PDE1C: variants seen among roughly 807,000 people sequenced by gnomAD.
PDE1C encodes phosphodiesterase 1C, also known as dual specificity calcium/calmodulin-dependent 3',5'-cyclic nucleotide phosphodiesterase 1C.
A neutral mutation model predicts 93.1 loss-of-function variants in PDE1C; 62 were observed. The ratio of observed to expected loss-of-function variants is 0.67; its 90% CI spans 0.54 to 0.82. The LOEUF is 0.82. Ranked by LOEUF, PDE1C falls within the 40% of genes least tolerant of loss-of-function variation. The probability of loss-of-function intolerance (pLI) is 0.00; values close to 1 mark genes in which losing one functional copy is unlikely to be tolerated. For missense variants in PDE1C, 742 were observed against 884.6 expected, an observed-to-expected ratio of 0.84 and a Z score of 2.04; for synonymous variants, 325 against 310.1, an observed-to-expected ratio of 1.05 and a Z score of -0.50.
chr7:32,311,523 A>G (rs1033310126), intron 1 of PDE1C, among the ~76,000 whole-genome samples: 7 of 152,164 alleles, frequency 4.6e-5, no homozygotes, highest in Non-Finnish European at 7.3e-5. Flanking sequence ...CTGGCAAACC[A>G]AATCCAGCAG....
At chr7:31,993,208 TTCC>T (rs1784343077) in intron 2 of PDE1C, among the ~76,000 whole-genome samples, 2 of 152,356 alleles carry the variant, frequency 1.3e-5, no homozygotes, top group African/African-American at 4.8e-5. Flanking sequence ...AGCTGTGACT[TTCC>T]TCCCTATTTG....
intron 1 of PDE1C, among the ~76,000 whole-genome samples, chr7:32,252,476 C>G (rs1246810922): frequency 1.3e-5 from 2 of 152,148 alleles, no homozygotes; most frequent in Non-Finnish European, 2.9e-5. Context: ...GAAAGGGATA[C>G]TTTTTTGAGA....
At chr7:32,034,952 A>T (rs923105668) in intron 2 of PDE1C, among the ~76,000 whole-genome samples, 1 of 152,196 alleles carries the variant, frequency 6.6e-6, no homozygotes, top group Non-Finnish European at 1.5e-5. Flanking sequence ...CATGATTATC[A>T]TGCATCTTCA....
intron 1 of PDE1C, among the ~76,000 whole-genome samples, chr7:32,282,676 G>A (rs1811746101): frequency 6.7e-6 from 1 of 149,990 alleles, no homozygotes; most frequent in Non-Finnish European, 1.5e-5. Context: ...CGCCTCCTGG[G>A]TTCACGCCAT....
At chr7:32,220,940 C>T (rs987078544) in intron 1 of PDE1C, among the ~76,000 whole-genome samples, 2 of 152,194 alleles carry the variant, frequency 1.3e-5, no homozygotes, top group Non-Finnish European at 2.9e-5. Flanking sequence ...GGGATGGGAG[C>T]ACCTTCCTTC....
chr7:32,199,842 A>G (rs1329667146), intron 2 of PDE1C, among the ~76,000 whole-genome samples: 1 of 152,212 alleles, frequency 6.6e-6, no homozygotes, highest in East Asian at 1.9e-4. Flanking sequence ...GCATGACATC[A>G]CAAGTGGGAA....
the PDE1C span, among the ~76,000 whole-genome samples, chr7:31,741,061 C>CA: frequency 3.3e-4 from 48 of 144,528 alleles, no homozygotes; most frequent in African/African-American, 1.0e-3. Flanking sequence ...GACCCTGTCT[C>CA]AAAAAAAAAA....
upstream of PDE1C, among the ~76,000 whole-genome samples, chr7:32,302,564 C>G (rs868096535): frequency 7.2e-5 from 11 of 152,306 alleles, 1 homozygote; most frequent in Middle Eastern, 0.017. Context: ...TCCTCTGACT[C>G]TAGTGCTAAT....
chr7:32,055,595 C>T (rs1256510961), intron 1 of PDE1C, among the ~76,000 whole-genome samples: 1 of 152,086 alleles, frequency 6.6e-6, no homozygotes, highest in Non-Finnish European at 1.5e-5. Context: ...AAACATACTG[C>T]ATTCTGTCCA....
intron 14 of PDE1C, among the ~76,000 whole-genome samples, chr7:31,817,779 C>T (rs143779321): frequency 5.0e-4 from 76 of 152,230 alleles, no homozygotes; most frequent in African/African-American, 1.7e-3. Flanking sequence ...ATGCATCTAT[C>T]ATGTTTCCCT....
At chr7:31,786,860 C>T (rs575600436) in intron 16 of PDE1C, 13 of 152,170 alleles carry the variant, frequency 8.5e-5, no homozygotes, top group Non-Finnish European at 1.5e-4. Context: ...AAAGTCTCTG[C>T]TCATAGGTTA....
At chr7:32,031,042 T>A (rs902258282) in intron 2 of PDE1C, among the ~76,000 whole-genome samples, 1 of 152,172 alleles carries the variant, frequency 6.6e-6, no homozygotes, top group East Asian at 1.9e-4. Flanking sequence ...CATGCAAATA[T>A]TACTTTCTGT....
chr7:31,998,170 C>A lies in PDE1C; in HGVS notation c.128+53384G>T, dbSNP rs184009961. ...GAGTAGCTGGGACTACAGGTGCCTGCCACTATGCCCAGCTAATTTTTTGTA... is the reference window on the plus strand; with the variant it reads ...GAGTAGCTGGGACTACAGGTGCCTGACACTATGCCCAGCTAATTTTTTGTA... On this transcript the variant is annotated intron_variant, in intron 2 of 17. Transcript: ENST00000396191. 1.2e-3 allele frequency among the ~76,000 whole-genome samples: 176 copies of A among 152,082 alleles called. 4 individuals carry two copies. The East Asian group carries it at 0.03, about 26-fold the overall frequency.
At chr7:32,404,836 A>C (rs908082904) in intron 1 of PDE1C, among the ~76,000 whole-genome samples, 3 of 152,310 alleles carry the variant, frequency 2.0e-5, no homozygotes, top group East Asian at 1.9e-4. Context: ...TGGGAAGAAG[A>C]AGCATGAACT....
chr7:32,051,143 C>T (rs1219054029), intron 2 of PDE1C, among the ~76,000 whole-genome samples: 2 of 152,196 alleles, frequency 1.3e-5, no homozygotes, highest in Non-Finnish European at 2.9e-5. Flanking sequence ...AGCTCAACAG[C>T]ATTTTGTCAG....
At chr7:31,893,172 G>A (rs1443866350) in intron 2 of PDE1C, among the ~76,000 whole-genome samples, 2 of 152,198 alleles carry the variant, frequency 1.3e-5, no homozygotes, top group Non-Finnish European at 2.9e-5. Flanking sequence ...GTTGGGGTGT[G>A]AAAACACAGG....
At chr7:31,643,748 G>A in the PDE1C span, 22 of 1,613,850 alleles carry the variant, frequency 1.4e-5, no homozygotes, top group Admixed American at 6.7e-5. Flanking sequence ...TCTAGTATCT[G>A]CCCAATGGGC....
chr7:32,298,746 GC>G (rs1442170095), exon 1 of PDE1C: 14 of 1,581,898 alleles, frequency 8.9e-6, no homozygotes, highest in Non-Finnish European at 1.1e-5. Context: ...GGCTCGGCCG[GC>G]CGGGCAGGGG....
chr7:31,801,877 ATTGT>A (rs1356080591), intron 16 of PDE1C, among the ~76,000 whole-genome samples: 2 of 150,714 alleles, frequency 1.3e-5, no homozygotes, highest in Non-Finnish European at 3.0e-5. Flanking sequence ...TCCTTTTTTG[ATTGT>A]TTTTGTTTTT....
Sources: allele counts gnomAD v4.1 joint callset (sites outside exome capture counted in the v4.1 genomes callset), GRCh38; gene constraint gnomAD v4.1.1; transcripts MANE v1.5; gene names NCBI Gene and HGNC (gene_info 2026-07-23, HGNC 2026-07-21).